The following BAIAP2 variants were observed in gnomAD, a reference collection of about 807,000 sequenced individuals.
BAIAP2 encodes BAR/IMD domain containing adaptor protein 2.
In BAIAP2, 18 loss-of-function variants were observed where a neutral mutation model predicts 63.0. That is an observed-to-expected ratio of 0.29 (90% CI 0.20 to 0.42). The LOEUF is 0.42. BAIAP2 is among the 10% of genes least tolerant of loss of function. The pLI is 1.00. For synonymous variants in BAIAP2, 386 were observed against 307.6 expected (o/e 1.25, Z -2.67); for missense variants, 610 against 734.3 (o/e 0.83, Z 1.96).
rs1598456822 is a variant in BAIAP2, at chr17:81,035,395, C to T, written c.54+87C>T. ...GCGCGCCCGAGCCCGACCAGGGCGG[C>T]CCCGGGGCCGCGCGCCGGGCCAGGA... is the stretch of plus-strand genomic sequence containing the variant. On this transcript the variant is annotated intron_variant, in intron 1 of 13. Transcript: ENST00000428708. 3.7e-6 allele frequency: 3 copies of T among 810,154 alleles called. No individual in the cohort carries two copies. In the Admixed American group the frequency reaches 1.8e-4, roughly 50 times the overall value. 50.2% of individuals were successfully genotyped at this position (810,154 alleles called of 1,614,324 possible).
intron 1 of BAIAP2, among the ~76,000 whole-genome samples, chr17:81,050,836 G>A (rs1598525966): frequency 1.3e-5 from 2 of 148,242 alleles, no homozygotes; most frequent in South Asian, 2.1e-4. Context: ...CACTAGAGTC[G>A]GCCGCATCCT....
At chr17:81,097,973 G>A (rs937332092) in intron 6 of BAIAP2, 17 of 545,922 alleles carry the variant, frequency 3.1e-5, no homozygotes, top group Admixed American at 8.7e-5. Context: ...TCCCACTGTC[G>A]GGCTGGGGTT....
At chr17:81,065,512 A>G (rs1186612009) in intron 3 of BAIAP2, among the ~76,000 whole-genome samples, 1 of 152,084 alleles carries the variant, frequency 6.6e-6, no homozygotes, top group African/African-American at 2.4e-5. Context: ...TGGACGTGGC[A>G]CTGGTTCTTT....
At chr17:81,057,793 C>T (rs939848792) in intron 2 of BAIAP2, 88 bp from the exon 3 acceptor site, 3 of 1,510,216 alleles carry the variant, frequency 2.0e-6, no homozygotes, top group Non-Finnish European at 1.8e-6. Context: ...AGGGTTGGGC[C>T]TGTGCGTGCC....
intron 7 of BAIAP2, 40 bp downstream of exon 7, chr17:81,100,120 TTGCTGGCAGAAATGACCCAGGCCCC>T (rs1449267670): frequency 5.1e-6 from 8 of 1,576,984 alleles, no homozygotes; most frequent in African/African-American, 1.4e-5. Context: ...GCGCTGGGCC[TTGCTGGCAGAAATGACCCAGGCCCC>T]TGCCCCAGCC....
chr17:81,058,426 G>C (rs1030006194), intron 3 of BAIAP2, among the ~76,000 whole-genome samples: 21 of 152,342 alleles, frequency 1.4e-4, no homozygotes, highest in Middle Eastern at 3.4e-3. Context: ...TCTGTGTTTA[G>C]CAAATTTTCT....
At chr17:81,106,707 C>T (rs780372489) in intron 11 of BAIAP2, 38 bp from the exon 12 acceptor site, 30 of 1,610,858 alleles carry the variant, frequency 1.9e-5, no homozygotes, top group African/African-American at 1.2e-4. Context: ...TGGGGGCATC[C>T]GGCCTGCTGG....
At chr17:81,092,801 G>C (rs2056996531) in intron 6 of BAIAP2, among the ~76,000 whole-genome samples, 1 of 152,174 alleles carries the variant, frequency 6.6e-6, no homozygotes, top group Non-Finnish European at 1.5e-5. Context: ...TGGAGGGAAT[G>C]TTCTCCACAC....
intron 13 of BAIAP2, among the ~76,000 whole-genome samples, chr17:81,113,969 T>TC (rs2060211187): frequency 6.9e-6 from 1 of 144,546 alleles, no homozygotes; most frequent in African/African-American, 2.6e-5. Flanking sequence ...TTTTTTTTTT[T>TC]TTTTTTTTTT....
chr17:81,050,190 C>G (rs114227601), intron 1 of BAIAP2, among the ~76,000 whole-genome samples: 61 of 152,350 alleles, frequency 4.0e-4, no homozygotes, highest in Admixed American at 3.9e-3. Context: ...GGAACTGGCC[C>G]TTCCGCCCGC....
rs138656369 is a variant in BAIAP2 at position 81,055,569 on chromosome 17, G to GGTT, written c.130+1826_130+1827insGTT. Reference sequence around the variant, plus strand: ...TTCCTCCAGCGAAAGTCTGCAGGGTGTTTTGTTTTTTTTTGAGACGGAGTC... The same window carrying GGTT: ...TTCCTCCAGCGAAAGTCTGCAGGGTGGTTTTTTGTTTTTTTTTGAGACGGAGTC... On this transcript the variant is annotated intron_variant, in intron 2 of 13. Coordinates refer to ENST00000428708, the MANE Select transcript of BAIAP2 (RefSeq NM_001144888.2). Among the ~76,000 whole-genome samples, 11 of 94,156 alleles carry GGTT rather than the reference G, an allele frequency of 1.2e-4. No homozygotes were observed. In the East Asian group the frequency reaches 1.7e-3, roughly 14 times the overall value. The allele number at this position is 94,156 out of a possible 152,430, so 61.8% of individuals were successfully genotyped here.
chr17:81,108,630 T>C, intron 13 of BAIAP2, 121 bp downstream of exon 13: 1 of 1,304,660 alleles, frequency 7.7e-7, no homozygotes, highest in Non-Finnish European at 1.1e-6. Flanking sequence ...GCCTGGCCCT[T>C]CACCCCTGTC....
chr17:81,061,918 TG>T (rs1188634526), intron 3 of BAIAP2, among the ~76,000 whole-genome samples: 1 of 152,220 alleles, frequency 6.6e-6, no homozygotes, highest in East Asian at 1.9e-4. Context: ...GCTTTCAGTC[TG>T]GTGGGCCTTT....
At chr17:81,066,831 C>T (rs1220175785) in intron 3 of BAIAP2, among the ~76,000 whole-genome samples, 2 of 152,220 alleles carry the variant, frequency 1.3e-5, no homozygotes, top group Non-Finnish European at 2.9e-5. Flanking sequence ...GCCCATGTGT[C>T]CCAGCCTCCT....
intron 3 of BAIAP2, among the ~76,000 whole-genome samples, chr17:81,061,044 A>G (rs1328248357): frequency 6.6e-6 from 1 of 152,168 alleles, no homozygotes; most frequent in Non-Finnish European, 1.5e-5. Flanking sequence ...GAATCGCTTG[A>G]ACCTGGGAGG....
intron 13 of BAIAP2, 135 bp downstream of exon 13, chr17:81,108,644 G>GC: frequency 8.4e-7 from 1 of 1,190,166 alleles, no homozygotes. Flanking sequence ...CCCTGTCAGA[G>GC]CCGGGGATGT....
intron 6 of BAIAP2, among the ~76,000 whole-genome samples, chr17:81,093,648 G>C (rs2057167955): frequency 1.3e-5 from 2 of 152,262 alleles, no homozygotes; most frequent in African/African-American, 2.4e-5. Flanking sequence ...CAGGGGGCTG[G>C]TGGGGGGCAT....
intron 1 of BAIAP2, among the ~76,000 whole-genome samples, chr17:81,040,612 T>C (rs2046948081): frequency 6.6e-6 from 1 of 152,286 alleles, no homozygotes; most frequent in Non-Finnish European, 1.5e-5. Context: ...TATTTGGGAA[T>C]GAACACATCT....
At position 81,046,114 on chromosome 17, in the gene BAIAP2, G is replaced by A. The variant is rs902872255; in HGVS notation, c.55-7554G>A. Among the ~76,000 whole-genome samples the A allele has an allele frequency of 1.3e-5, 2 of 152,056 alleles. No homozygotes were observed. Among genetic ancestry groups the A allele is most frequent in the Non-Finnish European group, 1.5e-5 (1 of 67,968 alleles). ...GAGGCAGAGCTGCCGGCTCCTGCACGCCCAGCTGCAGGGGGTAAGGAGGAG... is the reference window on the plus strand; with the variant it reads ...GAGGCAGAGCTGCCGGCTCCTGCACACCCAGCTGCAGGGGGTAAGGAGGAG... On this transcript the variant is annotated intron_variant, in intron 1 of 13. Coordinates refer to ENST00000428708, the MANE Select transcript of BAIAP2 (RefSeq NM_001144888.2). The surrounding 1 kb of genome is among the most constrained non-coding windows in gnomAD (Gnocchi z 4.5).
Sources: gnomAD v4.1 joint callset for allele counts (sites outside exome capture counted in the v4.1 genomes callset) on GRCh38, gnomAD v4.1.1 for gene constraint, Gnocchi (gnomAD v3.1) non-coding constraint, MANE v1.5 for transcripts, NCBI Gene and HGNC (gene_info 2026-07-23, HGNC 2026-07-21) for gene names.